The following SLC22A15 variants were observed in gnomAD, a reference collection of about 807,000 sequenced individuals.
SLC22A15 encodes flipt 1.
In SLC22A15, 45 loss-of-function variants were observed where a neutral mutation model predicts 62.7. The ratio of observed to expected loss-of-function variants is 0.72; its 90% CI spans 0.56 to 0.92. The LOEUF is 0.92. Ranked by LOEUF, SLC22A15 falls within the 40% of genes least tolerant of loss-of-function variation. The pLI, the probability that SLC22A15 is intolerant of heterozygous loss-of-function variation, is 0.00. For missense variants in SLC22A15, 622 were observed against 665.6 expected, an observed-to-expected ratio of 0.93 and a Z score of 0.72; for synonymous variants, 264 against 267.0, an observed-to-expected ratio of 0.99 and a Z score of 0.11.
intron 6 of SLC22A15, chr1:116,031,794 C>T (rs1657414928): frequency 7.1e-7 from 1 of 1,412,758 alleles, no homozygotes; most frequent in African/African-American, 1.4e-5. Flanking sequence ...GCCTGATGGG[C>T]AGGTCCACTG....
intron 2 of SLC22A15, among the ~76,000 whole-genome samples, chr1:116,000,255 G>A (rs1199698828): frequency 6.6e-6 from 1 of 151,986 alleles, no homozygotes; most frequent in African/African-American, 2.4e-5. Flanking sequence ...TCGTGTATCT[G>A]TTGTAGGTTT....
At chr1:116,032,642 C>A (rs1176217175) in intron 6 of SLC22A15, 14 of 985,062 alleles carry the variant, frequency 1.4e-5, no homozygotes, top group African/African-American at 1.7e-5. Flanking sequence ...TGCTTTCCCC[C>A]ACAGAACCAT....
chr1:115,976,763 G>C, intron 1 of SLC22A15, 49 bp downstream of exon 1: 1 of 1,443,792 alleles, frequency 6.9e-7, no homozygotes, highest in Non-Finnish European at 9.5e-7. Context: ...AGGGCCGCCC[G>C]GCGCAGGGCT....
At chr1:116,022,343 A>G (rs1656875814) in intron 4 of SLC22A15, among the ~76,000 whole-genome samples, 1 of 152,150 alleles carries the variant, frequency 6.6e-6, no homozygotes. Flanking sequence ...CTTTCTAAGA[A>G]GTTGGTAATG....
intron 8 of SLC22A15, among the ~76,000 whole-genome samples, chr1:116,057,737 A>G (rs1658254528): frequency 6.6e-6 from 1 of 152,228 alleles, no homozygotes; most frequent in African/African-American, 2.4e-5. Context: ...ATAAAAAATG[A>G]TGAGTTCATG....
Position 115,991,875 on chromosome 1 carries a change from T to C in SLC22A15, c.88-156T>C, listed in dbSNP as rs182161106. ...GGTAGATCACAAAGGTTCTTTTTCA[T>C]GTTTTTTTCCTTTGTTTCTGATGTG... is the stretch of plus-strand genomic sequence containing the variant. On this transcript the variant is annotated intron_variant, in intron 1 of 11. Coordinates refer to ENST00000369503, the MANE Select transcript of SLC22A15 (RefSeq NM_018420.3). 3.4e-4 allele frequency among the ~76,000 whole-genome samples: 52 copies of C among 152,380 alleles called. No homozygotes were observed. In the East Asian group the frequency reaches 7.9e-3, roughly 23 times the overall value.
chr1:115,976,743 T>G (rs1557865032), intron 1 of SLC22A15, 29 bp downstream of exon 1: 4 of 1,549,462 alleles, frequency 2.6e-6, no homozygotes, highest in Non-Finnish European at 3.5e-6. Context: ...GCAGCCGCAT[T>G]TCCCTCTTCA....
At chr1:115,999,586 C>T (rs1322253085) in intron 2 of SLC22A15, among the ~76,000 whole-genome samples, 1 of 151,396 alleles carries the variant, frequency 6.6e-6, no homozygotes, top group Non-Finnish European at 1.5e-5. Flanking sequence ...TTACTGCAAC[C>T]TCCACCTCCT....
intron 8 of SLC22A15, among the ~76,000 whole-genome samples, chr1:116,056,891 A>G (rs565338385): frequency 2.0e-5 from 3 of 152,278 alleles, no homozygotes; most frequent in African/African-American, 7.2e-5. Context: ...CTTACACCTT[A>G]TACAAAAATT....
intron 8 of SLC22A15, among the ~76,000 whole-genome samples, chr1:116,039,245 AT>A (rs1657718006): frequency 6.6e-6 from 1 of 152,048 alleles, no homozygotes; most frequent in Non-Finnish European, 1.5e-5. Context: ...ATTTTTAACG[AT>A]TTCTTAGCTG....
intron 5 of SLC22A15, among the ~76,000 whole-genome samples, chr1:116,028,501 C>T (rs1261024619): frequency 1.4e-5 from 2 of 144,052 alleles, no homozygotes; most frequent in Non-Finnish European, 3.0e-5. Flanking sequence ...CACCACTTCA[C>T]TGGATGATCT....
chr1:116,064,040 C>A (rs1658441614), intron 9 of SLC22A15, among the ~76,000 whole-genome samples: 1 of 152,134 alleles, frequency 6.6e-6, no homozygotes, highest in Admixed American at 6.5e-5. Flanking sequence ...GCATGAAAAT[C>A]CATGAGAACT....
At chr1:116,018,983 C>T (rs1656685565) in intron 2 of SLC22A15, among the ~76,000 whole-genome samples, 1 of 152,208 alleles carries the variant, frequency 6.6e-6, no homozygotes, top group Admixed American at 6.5e-5. Context: ...CATCGATAGA[C>T]ACAGGTTGTT....
At chr1:115,992,266 A>G (rs1445416155) in intron 2 of SLC22A15, 23 bp downstream of exon 2, 1 of 1,536,030 alleles carries the variant, frequency 6.5e-7, no homozygotes, top group Non-Finnish European at 8.8e-7. Context: ...TGTTTCAATC[A>G]CTAAATAAAT....
At chr1:115,980,612 A>G (rs1054666320) in intron 1 of SLC22A15, among the ~76,000 whole-genome samples, 1 of 152,192 alleles carries the variant, frequency 6.6e-6, no homozygotes, top group Non-Finnish European at 1.5e-5. Context: ...AATTTTAAAA[A>G]CACACAAACC....
intron 11 of SLC22A15, 129 bp downstream of exon 11, chr1:116,066,837 G>T (rs1375705742): frequency 9.9e-7 from 1 of 1,012,000 alleles, no homozygotes; most frequent in Non-Finnish European, 1.4e-6. Flanking sequence ...AACAGCAGCT[G>T]ATTTTCAGAG....
At chr1:116,046,837 A>G (rs769280015) in intron 8 of SLC22A15, among the ~76,000 whole-genome samples, 1 of 152,224 alleles carries the variant, frequency 6.6e-6, no homozygotes, top group Non-Finnish European at 1.5e-5. Context: ...CAATTAAGAC[A>G]GCCAGCAAAA....
intron 1 of SLC22A15, among the ~76,000 whole-genome samples, chr1:115,991,038 G>A (rs1006536766): frequency 2.6e-5 from 4 of 152,128 alleles, no homozygotes; most frequent in Admixed American, 2.0e-4. Flanking sequence ...GACTGCAGGA[G>A]CGATGATTAA....
intron 8 of SLC22A15, among the ~76,000 whole-genome samples, chr1:116,040,108 C>T (rs6687860): frequency 0.89 from 135,535 of 152,220 alleles, 61,288 homozygotes; most frequent in East Asian, 1. Flanking sequence ...GATTGTGGTT[C>T]TCTGTGTCAG....
Sources: gnomAD v4.1 joint callset for allele counts (sites outside exome capture counted in the v4.1 genomes callset) on GRCh38, gnomAD v4.1.1 for gene constraint, MANE v1.5 for transcripts, NCBI Gene and HGNC (gene_info 2026-07-23, HGNC 2026-07-21) for gene names.